SRRM4: variants seen among roughly 807,000 people sequenced by gnomAD.
The protein encoded by SRRM4 is serine/arginine repetitive matrix protein 4.
Under a neutral mutation model 68.9 loss-of-function variants are expected in SRRM4, and 33 were observed. The observed-to-expected ratio is 0.48, with a 90% CI of 0.36 to 0.64. The LOEUF is 0.64. SRRM4 is among the 30% of genes least tolerant of loss of function. The pLI, the probability that SRRM4 is intolerant of heterozygous loss-of-function variation, is 0.00. For synonymous variants in SRRM4, 318 were observed against 318.8 expected (o/e 1.00, Z 0.03); for missense variants, 817 against 827.1 (o/e 0.99, Z 0.15).
intron 1 of SRRM4, among the ~76,000 whole-genome samples, chr12:119,026,610 G>A (rs373204944): frequency 8.6e-5 from 13 of 150,428 alleles, no homozygotes; most frequent in South Asian, 8.3e-4. Context: ...GTGCAATGGC[G>A]CGACGTTGGC....
intron 1 of SRRM4, among the ~76,000 whole-genome samples, chr12:119,096,707 G>A (rs577600529): frequency 3.4e-4 from 52 of 152,264 alleles, no homozygotes; most frequent in African/African-American, 1.2e-3. Context: ...GGTTCTTCCC[G>A]CTCCACCATT....
At chr12:119,155,931 G>A (rs1954468488) in intron 12 of SRRM4, among the ~76,000 whole-genome samples, 2 of 152,302 alleles carry the variant, frequency 1.3e-5, no homozygotes, top group South Asian at 2.1e-4. Flanking sequence ...CCAAATGGCT[G>A]TCTAGTTTCT....
At chr12:119,009,150 G>A (rs2135996569) in intron 1 of SRRM4, among the ~76,000 whole-genome samples, 1 of 152,288 alleles carries the variant, frequency 6.6e-6, no homozygotes, top group Middle Eastern at 3.4e-3. Flanking sequence ...TCCCAGGCCC[G>A]CTGCAGCTGA....
intron 1 of SRRM4, among the ~76,000 whole-genome samples, chr12:119,014,542 G>C (rs1386326233): frequency 6.6e-6 from 1 of 152,136 alleles, no homozygotes; most frequent in Non-Finnish European, 1.5e-5. Flanking sequence ...AAGGAGGCTT[G>C]GGCTATTTCC....
At chr12:119,132,731 G>A (rs1161953171) in intron 8 of SRRM4, among the ~76,000 whole-genome samples, 2 of 152,088 alleles carry the variant, frequency 1.3e-5, no homozygotes, top group South Asian at 4.1e-4. Flanking sequence ...TAAAAACCAG[G>A]GTTCACCTGT....
intron 1 of SRRM4, among the ~76,000 whole-genome samples, chr12:119,100,876 G>A (rs1164622172): frequency 6.6e-6 from 1 of 152,198 alleles, no homozygotes; most frequent in Admixed American, 6.5e-5. Flanking sequence ...GGGAGTTCTG[G>A]AAGCACAGAG....
rs555515594 is a variant in SRRM4, at chr12:119,125,644, G to A, written c.614+165G>A. Among the ~76,000 whole-genome samples, 8 of 151,942 alleles carry A rather than the reference G, an allele frequency of 5.3e-5. No homozygotes were observed. The East Asian group carries it at 1.6e-3, about 30-fold the overall frequency. Reference sequence around the variant, plus strand: ...CTGTAGAGAAAGGGCTGGAGAGCCTGGGTGCGGTGGCTCACGCCTGTAATG... The same window carrying A: ...CTGTAGAGAAAGGGCTGGAGAGCCTAGGTGCGGTGGCTCACGCCTGTAATG... On this transcript the variant is annotated intron_variant, in intron 7 of 12. Transcript: ENST00000267260.
chr12:119,112,261 C>T (rs184741554), intron 2 of SRRM4, among the ~76,000 whole-genome samples: 48 of 152,220 alleles, frequency 3.2e-4, no homozygotes, highest in East Asian at 1.4e-3. Flanking sequence ...TGCCATCTCA[C>T]GCCAGTCAGA....
In SRRM4 at chr12:119,135,336, A is replaced by G. The variant is rs146490648; in HGVS notation, c.771+4502A>G. ...CTGGAGCTGGGCCAAAGATAATGGC[A>G]GGTTTCTTGTTCCTCTTCTTGCCTC... On this transcript the variant is annotated intron_variant, in intron 8 of 12. Transcript: ENST00000267260. Among the ~76,000 whole-genome samples the G allele has an allele frequency of 3.6e-3, 553 of 152,340 alleles. 5 individuals carry two copies. Among genetic ancestry groups the G allele is most frequent in the African/African-American group, 0.013 (528 of 41,586 alleles).
chr12:118,984,628 T>C (rs1238237983), intron 1 of SRRM4, among the ~76,000 whole-genome samples: 1 of 152,200 alleles, frequency 6.6e-6, no homozygotes, highest in Non-Finnish European at 1.5e-5. Context: ...TAGAAACATA[T>C]ATTCAATTCA....
intron 7 of SRRM4, among the ~76,000 whole-genome samples, chr12:119,129,232 C>CAA (rs10656522): frequency 0.56 from 84,347 of 151,872 alleles, 23,638 homozygotes; most frequent in South Asian, 0.63. Context: ...GAAACTGCTT[C>CAA]GAGAGGTGTA....
chr12:119,026,905 G>T (rs923847356), intron 1 of SRRM4, among the ~76,000 whole-genome samples: 1 of 152,090 alleles, frequency 6.6e-6, no homozygotes, highest in Non-Finnish European at 1.5e-5. Context: ...ACAACACCTC[G>T]GGTGATCAGT....
chr12:119,127,248 T>C (rs1478187515), intron 7 of SRRM4, among the ~76,000 whole-genome samples: 2 of 152,098 alleles, frequency 1.3e-5, no homozygotes, highest in East Asian at 3.9e-4. Context: ...TGGGGCTTTA[T>C]TGGTGTTTGG....
chr12:119,124,464 G>A (rs1053866871), intron 6 of SRRM4: 1 of 152,192 alleles, frequency 6.6e-6, no homozygotes, highest in Non-Finnish European at 1.5e-5. Context: ...TGAGTCCTTT[G>A]TTGAGATAAC....
chr12:119,063,544 A>G (rs1160979153), intron 1 of SRRM4, among the ~76,000 whole-genome samples: 1 of 152,158 alleles, frequency 6.6e-6, no homozygotes, highest in East Asian at 1.9e-4. Context: ...TCACACATCA[A>G]TTACGTCCAC....
intron 9 of SRRM4, among the ~76,000 whole-genome samples, chr12:119,148,144 T>C (rs756176950): frequency 6.6e-6 from 1 of 152,226 alleles, no homozygotes; most frequent in African/African-American, 2.4e-5. Flanking sequence ...CTTTGTTCCA[T>C]ATAGCCAAAA....
chr12:119,045,808 T>G (rs2136014354), intron 1 of SRRM4, among the ~76,000 whole-genome samples: 1 of 152,042 alleles, frequency 6.6e-6, no homozygotes, highest in Non-Finnish European at 1.5e-5. Flanking sequence ...GAGGCCAAGG[T>G]GGGCGGATCA....
At chr12:119,111,896 AT>A (rs1169244838) in intron 2 of SRRM4, among the ~76,000 whole-genome samples, 1 of 152,182 alleles carries the variant, frequency 6.6e-6, no homozygotes, top group East Asian at 1.9e-4. Context: ...AAATACAAAA[AT>A]TAGCCTGGCT....
At chr12:119,082,693 C>T (rs1467459509) in intron 1 of SRRM4, among the ~76,000 whole-genome samples, 1 of 152,178 alleles carries the variant, frequency 6.6e-6, no homozygotes, top group Non-Finnish European at 1.5e-5. Context: ...CCACCCTGGG[C>T]CTCCAGCCAG....
Sources: gnomAD v4.1 joint callset for allele counts (sites outside exome capture counted in the v4.1 genomes callset) on GRCh38, gnomAD v4.1.1 for gene constraint, MANE v1.5 for transcripts, NCBI Gene and HGNC (gene_info 2026-07-23, HGNC 2026-07-21) for gene names.